RHOBTB2: variants seen among roughly 807,000 people sequenced by gnomAD.
RHOBTB2 encodes rho-related BTB domain-containing protein 2.
RHOBTB2 carries 39 observed loss-of-function variants against 66.5 expected under a neutral mutation model. That is an observed-to-expected ratio of 0.59 (90% CI 0.45 to 0.77). The LOEUF (loss-of-function observed/expected upper bound fraction) is 0.77. RHOBTB2 is among the 30% of genes least tolerant of loss of function. The pLI, the probability that RHOBTB2 is intolerant of heterozygous loss-of-function variation, is 0.00. For missense variants in RHOBTB2, 755 were observed against 999.1 expected (o/e 0.76, Z 3.29); for synonymous variants, 390 against 395.0 (o/e 0.99, Z 0.15).
intron 1 of RHOBTB2, among the ~76,000 whole-genome samples, chr8:23,003,160 G>A (rs949461084): frequency 2.0e-5 from 3 of 152,204 alleles, no homozygotes; most frequent in African/African-American, 4.8e-5. Flanking sequence ...TGAGTGGGGC[G>A]GGCAGATGAC....
intron 8 of RHOBTB2, 151 bp downstream of exon 8, chr8:23,014,929 C>A: frequency 1.5e-6 from 1 of 673,692 alleles, no homozygotes. Flanking sequence ...ATCTCCTCCT[C>A]CATGCCAGGA....
intron 1 of RHOBTB2, among the ~76,000 whole-genome samples, 155 bp downstream of exon 1, chr8:23,000,260 G>A (rs1028504258): frequency 3.3e-5 from 5 of 152,220 alleles, no homozygotes; most frequent in African/African-American, 9.6e-5. Context: ...CAGCGGGGCT[G>A]GAGCCTAATC....
At chr8:22,959,132 C>G in the RHOBTB2 span, among the ~76,000 whole-genome samples, 1 of 152,254 alleles carries the variant, frequency 6.6e-6, no homozygotes, top group South Asian at 2.1e-4. Context: ...CCTCCTTGGT[C>G]TTTGCCCTGT....
chr8:23,010,106 G>T (rs913333974), intron 6 of RHOBTB2, among the ~76,000 whole-genome samples: 1 of 152,148 alleles, frequency 6.6e-6, no homozygotes, highest in African/African-American at 2.4e-5. Flanking sequence ...CATCCCGCGA[G>T]CAAGAGCGGC....
At chr8:22,954,179 A>G in the RHOBTB2 span, among the ~76,000 whole-genome samples, 1 of 152,334 alleles carries the variant, frequency 6.6e-6, no homozygotes, top group South Asian at 2.1e-4. Context: ...AAGATCTTAC[A>G]AGGGCAATCC....
upstream of RHOBTB2, among the ~76,000 whole-genome samples, chr8:22,987,052 G>A (rs1369273681): frequency 1.3e-5 from 2 of 152,246 alleles, no homozygotes; most frequent in Non-Finnish European, 2.9e-5. Flanking sequence ...TACTGGTGGG[G>A]TTGAAGCCAT....
Position 23,007,261 on chromosome 8 carries a change from T to C in RHOBTB2, c.1016T>C (p.Leu339Pro). 1 of 1,612,854 alleles carries C rather than the reference T, an allele frequency of 6.2e-7. No homozygotes were observed. Among genetic ancestry groups the C allele is most frequent in the Non-Finnish European group, 8.5e-7 (1 of 1,179,954 alleles). Reference protein sequence around the residue: ...HHHHHHGRDFLLRAASFDVCE... With the variant: ...HHHHHHGRDFPLRAASFDVCE... ...CACCACCACCATGGGCGAGACTTCC[T>C]GCTCCGAGCAGCCAGCTTTGACGTG... The change falls in exon 5 of 10, where the codon CTG (leucine) becomes CCG (proline). Residue 339 changes from leucine (L) to proline (P), a missense_variant. Around this residue, in one of 7 missense-constraint regions of RHOBTB2, gnomAD observed 247 missense variants for 238.9 expected, o/e 1.03. Transcript: ENST00000251822.
chr8:23,002,955 T>C (rs1270039776), intron 1 of RHOBTB2, among the ~76,000 whole-genome samples: 2 of 152,240 alleles, frequency 1.3e-5, no homozygotes, highest in African/African-American at 4.8e-5. Flanking sequence ...CATCCCTGCA[T>C]GCTGGCATCC....
At chr8:22,964,381 C>G in the RHOBTB2 span, among the ~76,000 whole-genome samples, 1 of 152,142 alleles carries the variant, frequency 6.6e-6, no homozygotes, top group African/African-American at 2.4e-5. Flanking sequence ...AGTAAGCAGA[C>G]CATGTTCTGT....
In RHOBTB2 at chr8:23,019,485, T is replaced by G. The variant is rs980111511; in HGVS notation, c.*2016T>G. 2 of 152,534 alleles carry G rather than the reference T, an allele frequency of 1.3e-5. No homozygotes were observed. The highest frequency in any genetic ancestry group is 4.8e-5 in the African/African-American group (2 of 41,432). 9.4% of individuals were successfully genotyped at this position (152,534 alleles called of 1,614,324 possible). A position where few individuals can be genotyped will look rare whatever the true frequency, so the allele number is the denominator to read the frequency against. On this transcript the variant is annotated 3_prime_UTR_variant, in exon 10 of 10. Transcript: ENST00000251822. ...AGGCCCAGAAGCCCATGGGCAGGGC[T>G]GGGGGGACGAAGGGGGAACCCGGAG...
At chr8:22,991,682 A>G (rs920716428) in intron 1 of RHOBTB2, among the ~76,000 whole-genome samples, 9 of 152,068 alleles carry the variant, frequency 5.9e-5, no homozygotes, top group African/African-American at 2.2e-4. Flanking sequence ...TCTGACTTGC[A>G]TTGTCATTTG....
chr8:23,013,181 A>G (rs1359376981), intron 7 of RHOBTB2, among the ~76,000 whole-genome samples: 7 of 151,992 alleles, frequency 4.6e-5, no homozygotes, highest in Non-Finnish European at 8.8e-5. Flanking sequence ...TGATCCTCCC[A>G]TCTCGGCTTC....
chr8:22,967,602 TAAAAAAAAAAA>T, the RHOBTB2 span, among the ~76,000 whole-genome samples: 4 of 57,802 alleles, frequency 6.9e-5, no homozygotes, highest in Non-Finnish European at 1.2e-4. Flanking sequence ...AAACTCTGTC[TAAAAAAAAAAA>T]AAAAAAAAAA....
chr8:22,983,796 G>A (rs958001168), upstream of RHOBTB2, among the ~76,000 whole-genome samples: 4 of 151,822 alleles, frequency 2.6e-5, no homozygotes, highest in African/African-American at 4.8e-5. Context: ...GTGCAGTGGC[G>A]CCATCTTGGC....
At chr8:22,986,545 C>T (rs1019243008), upstream of RHOBTB2, among the ~76,000 whole-genome samples, 1 of 151,976 alleles carries the variant, frequency 6.6e-6, no homozygotes, top group African/African-American at 2.4e-5. Context: ...AGGCATGAGC[C>T]ACCACGCCTG....
chr8:23,002,575 A>G (rs1480520073), intron 1 of RHOBTB2, among the ~76,000 whole-genome samples: 1 of 152,214 alleles, frequency 6.6e-6, no homozygotes, highest in African/African-American at 2.4e-5. Context: ...CTGTAATCCC[A>G]GCTACCTGGG....
intron 2 of RHOBTB2, among the ~76,000 whole-genome samples, chr8:22,993,473 G>A (rs1201454394): frequency 4.6e-5 from 7 of 152,214 alleles, no homozygotes; most frequent in Non-Finnish European, 8.8e-5. Context: ...GGGGGAGCAG[G>A]CACAAGTGGA....
chr8:22,989,895 T>C (rs1453335462), intron 1 of RHOBTB2, among the ~76,000 whole-genome samples: 1 of 152,226 alleles, frequency 6.6e-6, no homozygotes, highest in African/African-American at 2.4e-5. Context: ...CCTGCCTGCC[T>C]GCTTTGCAGC....
At chr8:22,980,019 A>G in the RHOBTB2 span, among the ~76,000 whole-genome samples, 1 of 152,078 alleles carries the variant, frequency 6.6e-6, no homozygotes, top group Non-Finnish European at 1.5e-5. Flanking sequence ...TGGCCTCCCA[A>G]AGTGCTGGGA....
Sources: allele counts gnomAD v4.1 joint callset (sites outside exome capture counted in the v4.1 genomes callset), GRCh38; gene constraint gnomAD v4.1.1; regional missense constraint gnomAD v4.1.1; transcripts MANE v1.5; gene names NCBI Gene and HGNC (gene_info 2026-07-23, HGNC 2026-07-21).